RFTN1: variants seen among roughly 807,000 people sequenced by gnomAD.
The protein encoded by RFTN1 is raftlin.
In RFTN1, 26 loss-of-function variants were observed where a neutral mutation model predicts 46.5. That is an observed-to-expected ratio of 0.56 (90% CI 0.41 to 0.78). The LOEUF (loss-of-function observed/expected upper bound fraction) is 0.78, where lower values mean the gene tolerates loss of function less well. Ranked by LOEUF, RFTN1 falls within the 30% of genes least tolerant of loss-of-function variation. RFTN1 has a pLI of 0.00. For missense variants in RFTN1, 693 were observed against 718.7 expected, an observed-to-expected ratio of 0.96 and a Z score of 0.41; for synonymous variants, 261 against 284.2, an observed-to-expected ratio of 0.92 and a Z score of 0.82.
chr3:16,414,670 G>C (rs901557969), intron 3 of RFTN1, among the ~76,000 whole-genome samples: 3 of 152,144 alleles, frequency 2.0e-5, no homozygotes, highest in Non-Finnish European at 4.4e-5. Flanking sequence ...AATGGCAGGG[G>C]CAGCAGGGAG....
At chr3:16,368,585 G>A (rs1049978785) in intron 6 of RFTN1, among the ~76,000 whole-genome samples, 2 of 151,728 alleles carry the variant, frequency 1.3e-5, no homozygotes, top group Non-Finnish European at 2.9e-5. Flanking sequence ...GCAGGAGAAT[G>A]GCATGAACCT....
Position 16,409,880 on chromosome 3 carries a change from T to C in RFTN1, c.333-397A>G, listed in dbSNP as rs2074947061. 2.6e-5 allele frequency among the ~76,000 whole-genome samples: 4 copies of C among 151,980 alleles called. No homozygotes were observed. The South Asian group carries it at 8.3e-4, about 32-fold the overall frequency. On this transcript the variant is annotated intron_variant, in intron 3 of 9. Coordinates refer to ENST00000334133, the MANE Select transcript of RFTN1 (RefSeq NM_015150.2). ...TTTTGTATTTTTAGTAGAGATGGGG[T>C]TTCACCATGTTGGACAGGCTGGTCT... is the stretch of plus-strand genomic sequence containing the variant.
intron 4 of RFTN1, among the ~76,000 whole-genome samples, chr3:16,401,425 C>T (rs954410212): frequency 6.6e-6 from 1 of 152,100 alleles, no homozygotes; most frequent in Non-Finnish European, 1.5e-5. Context: ...GCAGGAAGGC[C>T]TCTGCCTGTT....
At chr3:16,332,928 G>A (rs958260062) in intron 7 of RFTN1, among the ~76,000 whole-genome samples, 6 of 152,098 alleles carry the variant, frequency 3.9e-5, no homozygotes, top group Non-Finnish European at 7.4e-5. Context: ...AGTGACTATT[G>A]AACCATTGCC....
intron 2 of RFTN1, among the ~76,000 whole-genome samples, chr3:16,470,951 T>C: frequency 6.6e-6 from 1 of 152,184 alleles, no homozygotes; most frequent in Non-Finnish European, 1.5e-5. Flanking sequence ...AAATTCAATA[T>C]CTGTCCAACC....
At chr3:16,324,555 T>C (rs1043627506) in intron 8 of RFTN1, among the ~76,000 whole-genome samples, 23 of 151,740 alleles carry the variant, frequency 1.5e-4, no homozygotes, top group African/African-American at 5.6e-4. Context: ...CCTGGTTTAT[T>C]TCACTTAGCA....
intron 4 of RFTN1, among the ~76,000 whole-genome samples, chr3:16,392,057 A>G (rs908514433): frequency 6.6e-6 from 1 of 151,956 alleles, no homozygotes; most frequent in Non-Finnish European, 1.5e-5. Context: ...GTCAGTTTCA[A>G]TAATTGAGTA....
rs1415680714 is a variant in RFTN1 at position 16,402,715 on chromosome 3, A to AC, written c.441+6659_441+6660insG. 6.6e-6 allele frequency among the ~76,000 whole-genome samples: 1 copy of AC among 152,048 alleles called. No individual in the cohort carries two copies. The highest frequency in any genetic ancestry group is 1.5e-5 in the Non-Finnish European group (1 of 68,014). On this transcript the variant is annotated intron_variant, in intron 4 of 9. Coordinates refer to ENST00000334133, the MANE Select transcript of RFTN1 (RefSeq NM_015150.2). This position sits in a 1 kb window ranked among gnomAD's most constrained non-coding sequence, Gnocchi z 4.5. Reference sequence around the variant, plus strand: ...TGTTTCATTAAAAGAAGCCATTGAGATTTTTCCATCTGTCAAGGTGCTTTC... The same window carrying AC: ...TGTTTCATTAAAAGAAGCCATTGAGACTTTTTCCATCTGTCAAGGTGCTTTC...
At chr3:16,405,862 AG>A (rs2074844935) in intron 4 of RFTN1, among the ~76,000 whole-genome samples, 1 of 152,204 alleles carries the variant, frequency 6.6e-6, no homozygotes, top group African/African-American at 2.4e-5. Context: ...TACTTGTCAT[AG>A]GAACGGGAGC....
Position 16,384,627 on chromosome 3 carries a change from A to T in RFTN1, c.442-6525T>A, listed in dbSNP as rs2074104786. 1.3e-5 allele frequency among the ~76,000 whole-genome samples: 2 copies of T among 152,242 alleles called. No homozygotes were observed. Among genetic ancestry groups the T allele is most frequent in the South Asian group, 4.1e-4 (2 of 4,828 alleles). ...ATTTATTTTCTACAAGTTACATAAT[A>T]AACTTAATGAAATGCCTGTAACTAA... is the stretch of plus-strand genomic sequence containing the variant. On this transcript the variant is annotated intron_variant, in intron 4 of 9. Coordinates refer to ENST00000334133, the MANE Select transcript of RFTN1 (RefSeq NM_015150.2). The surrounding 1 kb of genome is among the most constrained non-coding windows in gnomAD (Gnocchi z 4.7).
At chr3:16,409,011 G>A (rs1268420311) in intron 4 of RFTN1, among the ~76,000 whole-genome samples, 3 of 152,244 alleles carry the variant, frequency 2.0e-5, no homozygotes. Context: ...CACTAGGAAG[G>A]GAAGGGGGCT....
chr3:16,358,215 C>T (rs1300779623), intron 6 of RFTN1, among the ~76,000 whole-genome samples, 168 bp from the exon 7 acceptor site: 1 of 152,120 alleles, frequency 6.6e-6, no homozygotes, highest in African/African-American at 2.4e-5. Context: ...TCTATCTAGC[C>T]CTATCAGAAT....
chr3:16,454,903 A>T, intron 2 of RFTN1: 2 of 447,992 alleles, frequency 4.5e-6, no homozygotes, highest in Non-Finnish European at 5.9e-6. Context: ...GCAAATGACT[A>T]CGTGATTGAA....
Position 16,377,581 on chromosome 3 carries a change from A to C in RFTN1, c.826+137T>G, listed in dbSNP as rs1415267020. ...AGGTGGCACAGATAACTGCTTGATAAAGTTTCTCCTGTTTGATGGACTGCT... is the reference window on the plus strand; with the variant it reads ...AGGTGGCACAGATAACTGCTTGATACAGTTTCTCCTGTTTGATGGACTGCT... On this transcript the variant is annotated intron_variant, in intron 5 of 9. Transcript: ENST00000334133. The C allele has an allele frequency of 2.3e-5, 32 of 1,375,878 alleles. No individual in the cohort carries two copies. The African/African-American group carries it at 4.3e-4, about 19-fold the overall frequency. The allele number at this position is 1,375,878 out of a possible 1,614,324, so 85.2% of individuals were successfully genotyped here.
rs530910163 is a variant in RFTN1 at position 16,336,191 on chromosome 3, C to T, written c.1147-9315G>A. On this transcript the variant is annotated intron_variant, in intron 7 of 9. Coordinates refer to ENST00000334133, the MANE Select transcript of RFTN1 (RefSeq NM_015150.2). This position sits in a 1 kb window ranked among gnomAD's most constrained non-coding sequence, Gnocchi z 6.0. ...GCGGGCAGTGTTGCAGAAAACTCCA[C>T]GTGGCCCTCAGGATGCTAAAGGGCA... 5.9e-5 allele frequency among the ~76,000 whole-genome samples: 9 copies of T among 152,364 alleles called. No individual in the cohort carries two copies. The highest frequency in any genetic ancestry group is 1.3e-4 in the Admixed American group (2 of 15,308).
At position 16,387,570 on chromosome 3, in the gene RFTN1, TTCTCTC is replaced by T. The variant is rs3054539; in HGVS notation, c.442-9474_442-9469del. 0.17 allele frequency among the ~76,000 whole-genome samples: 19,567 copies of T among 116,322 alleles called. 1,664 individuals carry two copies. Among genetic ancestry groups the T allele is most frequent in the Middle Eastern group, 0.27 (61 of 230 alleles). 76.3% of individuals were successfully genotyped at this position (116,322 alleles called of 152,430 possible). ...CACTTCTCTCTTCTATATCCTCAATTTCTCTCTCTCTCTCTCTCTCTCTCTCTCTCT... is the reference window on the plus strand; with the variant it reads ...CACTTCTCTCTTCTATATCCTCAATTTCTCTCTCTCTCTCTCTCTCTCTCT... On this transcript the variant is annotated intron_variant, in intron 4 of 9. Transcript: ENST00000334133. The surrounding 1 kb of genome is among the most constrained non-coding windows in gnomAD (Gnocchi z 5.2).
chr3:16,387,850 C>G lies in RFTN1; in HGVS notation c.442-9748G>C, dbSNP rs1359018418. On this transcript the variant is annotated intron_variant, in intron 4 of 9. Coordinates refer to ENST00000334133, the MANE Select transcript of RFTN1 (RefSeq NM_015150.2). This position sits in a 1 kb window ranked among gnomAD's most constrained non-coding sequence, Gnocchi z 5.2. ...CACAGGCTTTTTAGCCCTCACCACC[C>G]CATCCTCTCTGGTAGCTCATGCATT... 6.6e-6 allele frequency among the ~76,000 whole-genome samples: 1 copy of G among 151,978 alleles called. No homozygotes were observed. The highest frequency in any genetic ancestry group is 1.5e-5 in the Non-Finnish European group (1 of 68,004).
At chr3:16,435,317 C>T (rs186744757) in intron 2 of RFTN1, among the ~76,000 whole-genome samples, 302 of 152,252 alleles carry the variant, frequency 2.0e-3, no homozygotes, top group African/African-American at 6.9e-3. Context: ...GCCTGTTATC[C>T]CCGCACTTTG....
intron 6 of RFTN1, among the ~76,000 whole-genome samples, chr3:16,369,397 C>T (rs539765329): frequency 1.2e-4 from 18 of 152,278 alleles, no homozygotes; most frequent in Non-Finnish European, 2.5e-4. Context: ...GTTGGTCCCA[C>T]TCCCCAAGTT....
Sources: gnomAD v4.1 joint callset for allele counts (sites outside exome capture counted in the v4.1 genomes callset) on GRCh38, gnomAD v4.1.1 for gene constraint, Gnocchi (gnomAD v3.1) non-coding constraint, MANE v1.5 for transcripts, NCBI Gene and HGNC (gene_info 2026-07-23, HGNC 2026-07-21) for gene names.